GRM8: variants seen among roughly 807,000 people sequenced by gnomAD.
GRM8 encodes the protein glutamate metabotropic receptor 8.
In GRM8, 47 loss-of-function variants were observed where a neutral mutation model predicts 87.2. That is an observed-to-expected ratio of 0.54 (90% CI 0.43 to 0.69). The LOEUF (loss-of-function observed/expected upper bound fraction) is 0.69. GRM8 is among the 30% of genes least tolerant of loss of function. The pLI is 0.00. For missense variants in GRM8, 1,019 were observed against 1,139.2 expected, an observed-to-expected ratio of 0.89 and a Z score of 1.52; for synonymous variants, 396 against 404.5, an observed-to-expected ratio of 0.98 and a Z score of 0.25.
intron 7 of GRM8, among the ~76,000 whole-genome samples, chr7:126,679,466 C>A (rs1164694430): frequency 6.6e-6 from 1 of 152,108 alleles, no homozygotes; most frequent in East Asian, 1.9e-4. Context: ...TCTTATCTAA[C>A]TGATGGAAAC....
At chr7:126,538,415 T>C (rs1397300371) in intron 8 of GRM8, among the ~76,000 whole-genome samples, 1 of 152,116 alleles carries the variant, frequency 6.6e-6, no homozygotes, top group African/African-American at 2.4e-5. Context: ...AAATCCCCAT[T>C]ATAATTAATA....
In GRM8 at chr7:126,533,543, G is replaced by T; in HGVS notation, c.1839C>A (p.Ile613=). The change falls in exon 9 of 11, where the codon ATC becomes ATA. Residue 613 remains isoleucine, a synonymous_variant. Transcript: ENST00000339582. ...VTFVRYNDTP[I]VRASGRELSY... ...TAAGTTCGCGTCCTGAAGCCCTCACGATAGGTGTGTCATTATAGCGGACAA... is the reference window on the plus strand; with the variant it reads ...TAAGTTCGCGTCCTGAAGCCCTCACTATAGGTGTGTCATTATAGCGGACAA... 1 of 1,614,074 alleles carries T rather than the reference G, an allele frequency of 6.2e-7. No homozygotes were observed. The highest frequency in any genetic ancestry group is 1.1e-5 in the South Asian group (1 of 91,084).
In GRM8 at chr7:127,197,514, C is replaced by T. The variant is rs540238365; in HGVS notation, c.510+45181G>A. 7.3e-5 allele frequency among the ~76,000 whole-genome samples: 11 copies of T among 151,690 alleles called. No homozygotes were observed. In the South Asian group the frequency reaches 1.2e-3, roughly 17 times the overall value. ...CTTCACAACTCAAAATTCATTGATT[C>T]GTATGTATATTTTGTTTTGTTTTGT... On this transcript the variant is annotated intron_variant, in intron 2 of 10. Coordinates refer to ENST00000339582, the MANE Select transcript of GRM8 (RefSeq NM_000845.3).
chr7:126,456,475 C>G (rs1425679557), intron 9 of GRM8, among the ~76,000 whole-genome samples: 2 of 135,508 alleles, frequency 1.5e-5, no homozygotes, highest in Admixed American at 1.6e-4. Flanking sequence ...CCTTTTTTTT[C>G]CCTTGAGACT....
At chr7:127,093,930 T>C (rs1407513012) in intron 3 of GRM8, among the ~76,000 whole-genome samples, 2 of 152,262 alleles carry the variant, frequency 1.3e-5, no homozygotes, top group Non-Finnish European at 2.9e-5. Context: ...AATTTGCACC[T>C]ATTTCAATCA....
chr7:126,576,127 T>C (rs1000118809), intron 8 of GRM8, among the ~76,000 whole-genome samples: 5 of 152,166 alleles, frequency 3.3e-5, no homozygotes, highest in African/African-American at 1.2e-4. Flanking sequence ...GGGCCCAGCA[T>C]TATGTAATAT....
intron 3 of GRM8, among the ~76,000 whole-genome samples, chr7:127,097,210 A>AT (rs1824747361): frequency 6.6e-6 from 1 of 152,202 alleles, no homozygotes; most frequent in African/African-American, 2.4e-5. Flanking sequence ...ATTGCTAAGG[A>AT]TGAGGCAAGA....
intron 6 of GRM8, among the ~76,000 whole-genome samples, chr7:126,866,429 TTATC>T (rs1299327133): frequency 1.3e-5 from 2 of 152,062 alleles, no homozygotes; most frequent in Admixed American, 6.5e-5. Flanking sequence ...AATGTCCCAT[TTATC>T]TATTTTTTCC....
At chr7:126,516,581 C>T (rs1377346135) in intron 9 of GRM8, among the ~76,000 whole-genome samples, 1 of 152,048 alleles carries the variant, frequency 6.6e-6, no homozygotes, top group Non-Finnish European at 1.5e-5. Flanking sequence ...TCTATGATTT[C>T]CTGACAGAAA....
intron 2 of GRM8, among the ~76,000 whole-genome samples, chr7:127,200,295 G>GA (rs1354747821): frequency 1.3e-5 from 2 of 152,038 alleles, no homozygotes; most frequent in African/African-American, 4.8e-5. Context: ...TAAGAACAAA[G>GA]AAAAACCAAT....
At chr7:126,628,286 C>A (rs1226390830) in intron 7 of GRM8, among the ~76,000 whole-genome samples, 5 of 152,116 alleles carry the variant, frequency 3.3e-5, no homozygotes, top group African/African-American at 1.2e-4. Flanking sequence ...ATCTCGTGAA[C>A]CGCCTACCTC....
At chr7:127,103,784 T>A (rs946754138) in intron 3 of GRM8, among the ~76,000 whole-genome samples, 2 of 152,148 alleles carry the variant, frequency 1.3e-5, no homozygotes, top group African/African-American at 4.8e-5. Context: ...AATCCTATAG[T>A]CAAGAGATGC....
intron 3 of GRM8, among the ~76,000 whole-genome samples, chr7:127,023,520 G>T (rs1816483132): frequency 6.6e-6 from 1 of 152,020 alleles, no homozygotes; most frequent in Admixed American, 6.6e-5. Flanking sequence ...CCGGACAGTG[G>T]TATTTAAGGA....
intron 3 of GRM8, among the ~76,000 whole-genome samples, chr7:127,047,735 G>A (rs917698618): frequency 1.3e-5 from 2 of 152,192 alleles, no homozygotes; most frequent in African/African-American, 4.8e-5. Context: ...AGCAGCTGAG[G>A]TAGGAGAATC....
chr7:127,120,557 T>C (rs1827024681), intron 2 of GRM8, among the ~76,000 whole-genome samples: 1 of 152,216 alleles, frequency 6.6e-6, no homozygotes. Flanking sequence ...TGATTCGTGT[T>C]CACAATAAAA....
chr7:126,545,957 C>T (rs1027906061), intron 8 of GRM8, among the ~76,000 whole-genome samples: 1 of 152,030 alleles, frequency 6.6e-6, no homozygotes. Context: ...AAACACTTAC[C>T]CATTTCAGTG....
chr7:126,967,237 C>T (rs1398403007), intron 3 of GRM8, among the ~76,000 whole-genome samples: 2 of 152,110 alleles, frequency 1.3e-5, no homozygotes, highest in Admixed American at 6.6e-5. Context: ...TGATCAAATA[C>T]ATGGTTAGAC....
intron 6 of GRM8, among the ~76,000 whole-genome samples, chr7:126,874,051 T>C (rs542056651): frequency 6.6e-6 from 1 of 152,208 alleles, no homozygotes; most frequent in Non-Finnish European, 1.5e-5. Context: ...GAAGTGTTAG[T>C]CACTTTCATT....
rs544525020 is a variant in GRM8, at chr7:127,136,274, A to C, written c.511-29562T>G. 1.2e-4 allele frequency among the ~76,000 whole-genome samples: 19 copies of C among 152,256 alleles called. No individual in the cohort carries two copies. In the South Asian group the frequency reaches 3.5e-3, roughly 28 times the overall value. On this transcript the variant is annotated intron_variant, in intron 2 of 10. Coordinates refer to ENST00000339582, the MANE Select transcript of GRM8 (RefSeq NM_000845.3). ...TTGAACTTAATGAATGCAGTTGTGA[A>C]ACAGGCAAATCCAATACACTGCGAA...
Sources: gnomAD v4.1 joint callset for allele counts (sites outside exome capture counted in the v4.1 genomes callset) on GRCh38, gnomAD v4.1.1 for gene constraint, MANE v1.5 for transcripts, NCBI Gene and HGNC (gene_info 2026-07-23, HGNC 2026-07-21) for gene names.